CD163L1: variants seen among roughly 807,000 people sequenced by gnomAD.
CD163L1 encodes the protein scavenger receptor cysteine-rich type 1 protein M160.
CD163L1 carries 124 observed loss-of-function variants against 165.4 expected under a neutral mutation model. The observed-to-expected ratio is 0.75, with a 90% confidence interval of 0.65 to 0.87. The LOEUF is 0.87. Ranked by LOEUF, CD163L1 falls within the 40% of genes least tolerant of loss-of-function variation. The probability of loss-of-function intolerance (pLI) is 0.00; values close to 1 mark genes in which losing one functional copy is unlikely to be tolerated. For missense variants in CD163L1, 1,525 were observed against 1,799.9 expected (o/e 0.85, Z 2.76); for synonymous variants, 585 against 662.2 (o/e 0.88, Z 1.79).
At chr12:7,375,042 C>A in intron 11 of CD163L1, 119 bp from the exon 12 acceptor site, 1 of 980,362 alleles carries the variant, frequency 1.0e-6, no homozygotes, top group South Asian at 1.5e-5. Context: ...ACCCTGTCGT[C>A]TATTGAAATC....
chr12:7,348,286 G>T (rs1346901333), intron 4 of CD163L1, among the ~76,000 whole-genome samples: 1 of 152,198 alleles, frequency 6.6e-6, no homozygotes, highest in Non-Finnish European at 1.5e-5. Context: ...TCATTGGTGA[G>T]ACCCAGTCAC....
chr12:7,433,510 G>A lies in CD163L1; in HGVS notation c.309C>T (p.Ala103=), dbSNP rs201527268. The part of the protein sequence containing the change: ...FSFAMFRFGQ[A]VTRHGKIWLD... Reference sequence around the variant, plus strand: ...GCCAAATTTTTCCATGTCTAGTCACGGCTTGTCCAAAACGAAACATGGCGA... The same window carrying A: ...GCCAAATTTTTCCATGTCTAGTCACAGCTTGTCCAAAACGAAACATGGCGA... Residue 103 remains alanine, a synonymous_variant, in exon 3 of 20, where the codon GCC becomes GCT. Transcript: ENST00000313599. 8.7e-5 allele frequency: 140 copies of A among 1,614,084 alleles called. No individual in the cohort carries two copies. The East Asian group carries it at 2.3e-3, about 26-fold the overall frequency.
the CD163L1 span, among the ~76,000 whole-genome samples, chr12:7,323,024 C>A: frequency 5.9e-5 from 9 of 152,218 alleles, no homozygotes; most frequent in Non-Finnish European, 8.8e-5. Context: ...TAAGGCCCAT[C>A]AATCTGTGTT....
chr12:7,363,418 AAATAAT>A (rs71450200), intron 18 of CD163L1, among the ~76,000 whole-genome samples: 5 of 151,852 alleles, frequency 3.3e-5, no homozygotes, highest in African/African-American at 1.2e-4. Context: ...AGATAAAAAG[AAATAAT>A]AATAATAATC....
At chr12:7,359,492 T>C (rs1369924721) in intron 18 of CD163L1, among the ~76,000 whole-genome samples, 2 of 152,036 alleles carry the variant, frequency 1.3e-5, no homozygotes, top group Admixed American at 6.6e-5. Flanking sequence ...CAACTTAGAA[T>C]TCTGTATTCA....
the CD163L1 span, chr12:7,323,551 T>C: frequency 6.2e-7 from 1 of 1,612,792 alleles, no homozygotes; most frequent in African/African-American, 1.3e-5. Flanking sequence ...GTTTCTTCTC[T>C]AAATATGTGG....
intron 2 of CD163L1, among the ~76,000 whole-genome samples, chr12:7,436,561 C>T (rs372404117): frequency 3.3e-5 from 5 of 152,010 alleles, no homozygotes; most frequent in Admixed American, 6.6e-5. Flanking sequence ...TGCTTGAGGC[C>T]AGGAGTTCCA....
chr12:7,344,946 G>A (rs776323665), downstream of CD163L1, among the ~76,000 whole-genome samples: 31 of 152,212 alleles, frequency 2.0e-4, no homozygotes, highest in Non-Finnish European at 1.8e-4. Flanking sequence ...CCTGGCCCCT[G>A]AAACCATTCT....
intron 5 of CD163L1, 171 bp from the exon 6 acceptor site, chr12:7,404,026 T>G: frequency 2.0e-6 from 1 of 504,310 alleles, no homozygotes; most frequent in Non-Finnish European, 3.4e-6. Context: ...GATTGAAATT[T>G]TAAAGATTTT....
chr12:7,429,286 C>A (rs908505968), intron 4 of CD163L1, among the ~76,000 whole-genome samples: 1 of 151,858 alleles, frequency 6.6e-6, no homozygotes, highest in African/African-American at 2.4e-5. Flanking sequence ...TGGAAATAAT[C>A]AAAAATGTTT....
chr12:7,374,573 TC>T lies in CD163L1; in HGVS notation c.3277del (p.Glu1093ArgfsTer11). ...FNATVSAHFGEGSGPIWLDDL... is the reference protein window; with the variant it reads ...FNATVSAHFGXGSGPIWLDDL... Reference sequence around the variant, plus strand: ...ATCCAGCCAGATGGGCCCTGACCCCTCCCCAAAGTGAGCAGAGACCGTGGCA... The same window carrying T: ...ATCCAGCCAGATGGGCCCTGACCCCTCCCAAAGTGAGCAGAGACCGTGGCA... On this transcript the variant is annotated frameshift_variant, in exon 13 of 20. Coordinates refer to ENST00000313599, the MANE Select transcript of CD163L1 (RefSeq NM_174941.6). LOFTEE classifies it high-confidence loss of function. This position sits in a 1 kb window ranked among gnomAD's most constrained non-coding sequence, Gnocchi z 5.4. 1 of 1,614,128 alleles carries T rather than the reference TC, an allele frequency of 6.2e-7. No homozygotes were observed. Among genetic ancestry groups the T allele is most frequent in the Non-Finnish European group, 8.5e-7 (1 of 1,180,010 alleles).
Position 7,398,195 on chromosome 12 carries a change from C to A in CD163L1, c.1729+69G>T. 2 of 1,444,846 alleles carry A rather than the reference C, an allele frequency of 1.4e-6. No individual in the cohort carries two copies. The highest frequency in any genetic ancestry group is 1.9e-6 in the Non-Finnish European group (2 of 1,055,868). 89.5% of individuals were successfully genotyped at this position (1,444,846 alleles called of 1,614,324 possible). On this transcript the variant is annotated intron_variant, in intron 7 of 19. Coordinates refer to ENST00000313599, the MANE Select transcript of CD163L1 (RefSeq NM_174941.6). The surrounding 1 kb of genome is among the most constrained non-coding windows in gnomAD (Gnocchi z 4.5). ...TCCCACATGTAAGCCAGTTTATAGA[C>A]CCAGAAGCCCTTCCTATGAGGAATA...
At chr12:7,336,918 C>A in the CD163L1 span, among the ~76,000 whole-genome samples, 205 of 152,260 alleles carry the variant, frequency 1.3e-3, no homozygotes, top group Admixed American at 3.1e-3. Context: ...TGACTTCAAA[C>A]TATGCTACAA....
chr12:7,433,681 CA>C lies in CD163L1; in HGVS notation c.137del (p.Leu46TrpfsTer3). ...FLISSFNGTD[L>X]ELRLVNGDGP... ...CGTCTCCATTGACCAGCCTCAACTC[CA>C]AATCTGTTCCATCTGCAAGAAAGAC... On this transcript the variant is annotated frameshift_variant, in exon 3 of 20. Transcript: ENST00000313599. LOFTEE classifies it high-confidence loss of function. 6.2e-7 allele frequency: 1 copy of C among 1,607,278 alleles called. No homozygotes were observed. Among genetic ancestry groups the C allele is most frequent in the Non-Finnish European group, 8.5e-7 (1 of 1,175,984 alleles).
At chr12:7,429,136 C>CT (rs36073607) in intron 4 of CD163L1, among the ~76,000 whole-genome samples, 7 of 151,898 alleles carry the variant, frequency 4.6e-5, no homozygotes, top group Non-Finnish European at 7.4e-5. Flanking sequence ...TAACTGAATA[C>CT]TTTTATCTTC....
intron 4 of CD163L1, among the ~76,000 whole-genome samples, chr12:7,411,753 G>A (rs1004231357): frequency 1.3e-5 from 2 of 152,112 alleles, no homozygotes; most frequent in Admixed American, 6.6e-5. Flanking sequence ...CAATGCAAAT[G>A]GACTAACACA....
intron 18 of CD163L1, among the ~76,000 whole-genome samples, chr12:7,365,040 G>C (rs765740927): frequency 1.6e-4 from 25 of 152,034 alleles, no homozygotes; most frequent in Non-Finnish European, 2.6e-4. Context: ...CAAAATTATA[G>C]TAACCAAATC....
At position 7,347,641 on chromosome 12, in the gene CD163L1, G is replaced by A. The variant is rs1434132188; in HGVS notation, c.*25-494C>T. Among the ~76,000 whole-genome samples the A allele has an allele frequency of 4.6e-5, 7 of 152,100 alleles. No individual in the cohort carries two copies. The highest frequency in any genetic ancestry group is 1.0e-4 in the Non-Finnish European group (7 of 67,968). On this transcript the variant is annotated intron_variant, in intron 4 of 4. Transcript: ENST00000539726. The surrounding 1 kb of genome is among the most constrained non-coding windows in gnomAD (Gnocchi z 4.2). ...AAATTAGCCTGGTGTGGTGGCGGGC[G>A]CCTGTAGTCCCAGCTACTCGGAGAG...
At chr12:7,323,289 A>T in the CD163L1 span, 1 of 1,611,406 alleles carries the variant, frequency 6.2e-7, no homozygotes, top group Non-Finnish European at 8.5e-7. Flanking sequence ...TCAATGGGGA[A>T]AGGAATGCTG....
Sources: gnomAD v4.1 joint callset for allele counts (sites outside exome capture counted in the v4.1 genomes callset) on GRCh38, gnomAD v4.1.1 for gene constraint, Gnocchi (gnomAD v3.1) non-coding constraint, MANE v1.5 for transcripts, NCBI Gene and HGNC (gene_info 2026-07-23, HGNC 2026-07-21) for gene names.